Variants in FGF12 observed in about 807,000 individuals in gnomAD.
FGF12 encodes fibroblast growth factor 12B.
Under a neutral mutation model 23.6 loss-of-function variants are expected in FGF12, and 14 were observed. That is an observed-to-expected ratio of 0.59 (90% CI 0.39 to 0.93). The LOEUF (loss-of-function observed/expected upper bound fraction) is 0.93. Among genes scored for constraint, FGF12 ranks in the 40% least tolerant of loss-of-function variants. The probability of loss-of-function intolerance (pLI) is 0.00; values close to 1 mark genes in which losing one functional copy is unlikely to be tolerated. For synonymous variants in FGF12, 62 were observed against 77.3 expected (o/e 0.80, Z 1.04); for missense variants, 175 against 217.8 (o/e 0.80, Z 1.24).
At position 192,607,859 on chromosome 3, in the gene FGF12, A is replaced by AG; in HGVS notation, c.13+119321_13+119322insC. ...AACACTGAAAATTAAAAAAAAAAAA[A>AG]AAAAAAAAGAAGAAGAAGAATAGTT... On this transcript the variant is annotated intron_variant, in intron 2 of 5. Transcript: ENST00000445105. Among the ~76,000 whole-genome samples, 2 of 151,630 alleles carry AG rather than the reference A, an allele frequency of 1.3e-5. 1 individual carries two copies. The highest frequency in any genetic ancestry group is 4.2e-4 in the South Asian group (2 of 4,810).
intron 2 of FGF12, among the ~76,000 whole-genome samples, chr3:192,441,442 T>C (rs190656928): frequency 1.5e-4 from 23 of 152,314 alleles, no homozygotes; most frequent in Non-Finnish European, 2.1e-4. Context: ...TCTCCTTCTG[T>C]GCCTCAGTTT....
At chr3:192,456,502 T>C (rs971832395) in intron 2 of FGF12, among the ~76,000 whole-genome samples, 4 of 152,328 alleles carry the variant, frequency 2.6e-5, no homozygotes, top group South Asian at 2.1e-4. Context: ...TAGAAAAAAA[T>C]TGATGAATAC....
rs150015288 is a variant in FGF12, at chr3:192,210,471, T to C, written c.229-39815A>G. On this transcript the variant is annotated intron_variant, in intron 4 of 5. Coordinates refer to ENST00000445105, the MANE Select transcript of FGF12 (RefSeq NM_004113.6). ...AAAGGTGGACAGACCTGGTAATATA[T>C]GGGGCTTTGGCTGGAGCTCTAAGAA... Among the ~76,000 whole-genome samples, 767 of 152,242 alleles carry C rather than the reference T, an allele frequency of 5.0e-3. 6 individuals are homozygous for C. Among genetic ancestry groups the C allele is most frequent in the African/African-American group, 0.018 (728 of 41,528 alleles).
chr3:192,418,717 T>TC (rs34145659), intron 2 of FGF12, among the ~76,000 whole-genome samples: 7 of 152,062 alleles, frequency 4.6e-5, no homozygotes, highest in African/African-American at 1.7e-4. Flanking sequence ...ATATGGCACA[T>TC]CCCCCCTCAC....
chr3:192,305,913 T>G lies in FGF12; in HGVS notation c.228+29448A>C, dbSNP rs569352551. ...TCTCACTCTGTCGCCCAGGCTGGAG[T>G]GCAGTGGCATGATCTCAGCTCACTG... On this transcript the variant is annotated intron_variant, in intron 4 of 5. Transcript: ENST00000445105. Among the ~76,000 whole-genome samples the G allele has an allele frequency of 1.1e-4, 14 of 130,480 alleles. No individual in the cohort carries two copies. In the Admixed American group the frequency reaches 1.2e-3, roughly 11 times the overall value. The allele number at this position is 130,480 out of a possible 152,430, so 85.6% of individuals were successfully genotyped here. A position where few individuals can be genotyped will look rare whatever the true frequency, so the allele number is the denominator to read the frequency against.
At chr3:192,339,559 G>A (rs557746942) in intron 3 of FGF12, among the ~76,000 whole-genome samples, 5 of 152,092 alleles carry the variant, frequency 3.3e-5, no homozygotes, top group African/African-American at 9.6e-5. Context: ...GTTCCCCCTC[G>A]ATCTTTAACT....
chr3:192,512,943 T>C (rs1480084199), intron 2 of FGF12, among the ~76,000 whole-genome samples: 1 of 149,444 alleles, frequency 6.7e-6, no homozygotes, highest in African/African-American at 2.5e-5. Flanking sequence ...GAGAATGTGT[T>C]ACAACTAAAT....
intron 3 of FGF12, 37 bp from the exon 4 acceptor site, chr3:192,335,501 A>G (rs762373458): frequency 5.7e-6 from 7 of 1,237,714 alleles, no homozygotes; most frequent in Admixed American, 3.4e-5. Context: ...AGGATCAGTG[A>G]CCTTTTGAAT....
intron 2 of FGF12, among the ~76,000 whole-genome samples, chr3:192,686,110 G>A (rs1283470420): frequency 6.6e-6 from 1 of 152,196 alleles, no homozygotes; most frequent in Non-Finnish European, 1.5e-5. Flanking sequence ...ATTCATATAG[G>A]ATAGATGTGA....
chr3:192,667,048 A>G (rs1166615973), intron 2 of FGF12, among the ~76,000 whole-genome samples: 1 of 152,224 alleles, frequency 6.6e-6, no homozygotes, highest in African/African-American at 2.4e-5. Context: ...ACATGATACA[A>G]TTCACAAAGT....
chr3:192,616,154 A>T (rs1185941366), intron 2 of FGF12, among the ~76,000 whole-genome samples: 1 of 152,050 alleles, frequency 6.6e-6, no homozygotes, highest in African/African-American at 2.4e-5. Flanking sequence ...TACTGAAAAA[A>T]TTATCTTAAG....
intron 5 of FGF12, among the ~76,000 whole-genome samples, chr3:192,154,315 G>A (rs1444603702): frequency 2.5e-5 from 3 of 120,322 alleles, no homozygotes; most frequent in East Asian, 2.2e-4. Context: ...CTCTCAGCTC[G>A]TCAAAGTCAT....
chr3:192,661,217 T>C (rs1467211038), intron 2 of FGF12, among the ~76,000 whole-genome samples: 1 of 152,140 alleles, frequency 6.6e-6, no homozygotes, highest in Non-Finnish European at 1.5e-5. Context: ...AGAACAAAAC[T>C]GGCACTATAA....
intron 2 of FGF12, among the ~76,000 whole-genome samples, chr3:192,538,912 G>A (rs1725298754): frequency 6.6e-6 from 1 of 151,992 alleles, no homozygotes; most frequent in Admixed American, 6.5e-5. Flanking sequence ...ATTGCAAACG[G>A]GATTGCTTTC....
intron 4 of FGF12, among the ~76,000 whole-genome samples, chr3:192,281,716 T>A (rs1714155438): frequency 6.6e-6 from 1 of 152,050 alleles, no homozygotes; most frequent in South Asian, 2.1e-4. Context: ...GGTGAAAGGA[T>A]TAGGGGTAAT....
chr3:192,376,174 A>C, intron 2 of FGF12, among the ~76,000 whole-genome samples: 1 of 151,782 alleles, frequency 6.6e-6, no homozygotes, highest in East Asian at 1.9e-4. Flanking sequence ...CTATCTCTTA[A>C]AATCTCACTC....
chr3:192,504,884 A>G (rs1275896335), intron 2 of FGF12, among the ~76,000 whole-genome samples: 1 of 152,122 alleles, frequency 6.6e-6, no homozygotes, highest in Admixed American at 6.6e-5. Context: ...CCAGCAATCA[A>G]CTAAGAAGGT....
At chr3:192,592,200 A>T (rs761783760) in intron 2 of FGF12, among the ~76,000 whole-genome samples, 6 of 151,850 alleles carry the variant, frequency 4.0e-5, no homozygotes, top group Non-Finnish European at 7.4e-5. Context: ...TTTTATCAGT[A>T]TTGTCTTGTT....
intron 4 of FGF12, among the ~76,000 whole-genome samples, chr3:192,226,473 C>A (rs2108578731): frequency 6.6e-6 from 1 of 152,210 alleles, no homozygotes; most frequent in East Asian, 1.9e-4. Context: ...GCCATTACTG[C>A]AGCCATTAAT....
Sources: allele counts gnomAD v4.1 joint callset (sites outside exome capture counted in the v4.1 genomes callset), GRCh38; gene constraint gnomAD v4.1.1; transcripts MANE v1.5; gene names NCBI Gene and HGNC (gene_info 2026-07-23, HGNC 2026-07-21).